The following RALYL variants were observed in gnomAD, a reference collection of about 807,000 sequenced individuals.
RALYL encodes RALY RNA binding protein like, also known as RNA-binding Raly-like protein.
Under a neutral mutation model 35.1 loss-of-function variants are expected in RALYL, and 29 were observed. That is an observed-to-expected ratio of 0.83 (90% CI 0.61 to 1.13). The LOEUF (loss-of-function observed/expected upper bound fraction) is 1.13. Ranked by LOEUF, RALYL falls within the 50% of genes most tolerant of loss-of-function variation. The pLI is 0.00. For synonymous variants in RALYL, 120 were observed against 127.6 expected (o/e 0.94, Z 0.40); for missense variants, 359 against 360.4 (o/e 1.00, Z 0.03).
chr8:84,766,892 AAAC>A (rs1814225150), intron 2 of RALYL, among the ~76,000 whole-genome samples: 2 of 152,234 alleles, frequency 1.3e-5, no homozygotes, highest in African/African-American at 4.8e-5. Flanking sequence ...TCTATTGCAT[AAAC>A]AACAGTGCGT....
chr8:84,566,456 G>A (rs2061788658), intron 2 of RALYL, among the ~76,000 whole-genome samples: 1 of 151,366 alleles, frequency 6.6e-6, no homozygotes, highest in African/African-American at 2.4e-5. Flanking sequence ...TTTCTTCTCT[G>A]TGCATACTAG....
chr8:84,332,795 C>T (rs1276406716), intron 1 of RALYL, among the ~76,000 whole-genome samples: 4 of 152,072 alleles, frequency 2.6e-5, no homozygotes, highest in Non-Finnish European at 4.4e-5. Flanking sequence ...AAAGATGAGC[C>T]TCTGGAGGCC....
In RALYL at chr8:84,748,076, G is replaced by A. The variant is rs369066547; in HGVS notation, c.257-26503G>A. ...TTTTAAACTGCTTTTAGCTGTTTGG[G>A]TAGGAAGGTAGAATTCTTAGGTTGC... On this transcript the variant is annotated intron_variant, in intron 2 of 8. Transcript: ENST00000521268. Among the ~76,000 whole-genome samples the A allele has an allele frequency of 3.9e-5, 6 of 152,038 alleles. No homozygotes were observed. In the South Asian group the frequency reaches 8.3e-4, roughly 21 times the overall value.
At chr8:84,411,735 T>G (rs1420357194) in intron 1 of RALYL, among the ~76,000 whole-genome samples, 1 of 152,042 alleles carries the variant, frequency 6.6e-6, no homozygotes, top group Non-Finnish European at 1.5e-5. Context: ...AATACTTTTA[T>G]TTCAGTAAAA....
At chr8:84,352,570 G>A (rs1851115197) in intron 1 of RALYL, among the ~76,000 whole-genome samples, 1 of 150,240 alleles carries the variant, frequency 6.7e-6, no homozygotes, top group Admixed American at 6.6e-5. Context: ...CAACTAACAG[G>A]AGGTCAAGAC....
chr8:84,258,125 G>A (rs988969147), intron 1 of RALYL, among the ~76,000 whole-genome samples: 4 of 152,080 alleles, frequency 2.6e-5, no homozygotes, highest in Non-Finnish European at 5.9e-5. Flanking sequence ...CCACATGTAC[G>A]TAGTGTTGTT....
At chr8:84,208,545 C>T (rs1472533670) in intron 1 of RALYL, among the ~76,000 whole-genome samples, 1 of 152,232 alleles carries the variant, frequency 6.6e-6, no homozygotes, top group East Asian at 1.9e-4. Context: ...TTTTAAGCTT[C>T]TCAAGAATAG....
chr8:84,245,892 G>A (rs1322881105), intron 1 of RALYL, among the ~76,000 whole-genome samples: 4 of 152,110 alleles, frequency 2.6e-5, no homozygotes, highest in African/African-American at 9.7e-5. Context: ...TTAAAGCACA[G>A]CCTGGGAGGA....
chr8:84,220,080 G>A (rs1452490262), intron 1 of RALYL, among the ~76,000 whole-genome samples: 1 of 151,994 alleles, frequency 6.6e-6, no homozygotes, highest in African/African-American at 2.4e-5. Flanking sequence ...GCCATCCTGA[G>A]TTGCGTAATT....
intron 5 of RALYL, among the ~76,000 whole-genome samples, chr8:84,852,154 G>A (rs1428917733): frequency 6.6e-6 from 1 of 152,122 alleles, no homozygotes; most frequent in Non-Finnish European, 1.5e-5. Flanking sequence ...ACAATGGGGA[G>A]GGCAATATCA....
rs929884376 is a variant in RALYL, at chr8:84,921,629, C to T, written c.*718C>T. 6.6e-6 allele frequency: 1 copy of T among 152,114 alleles called. No homozygotes were observed. The highest frequency in any genetic ancestry group is 2.4e-5 in the African/African-American group (1 of 41,444). The allele number at this position is 152,114 out of a possible 1,614,324, so 9.4% of individuals were successfully genotyped here. On this transcript the variant is annotated 3_prime_UTR_variant, in exon 9 of 9. Coordinates refer to ENST00000521268, the MANE Select transcript of RALYL (RefSeq NM_173848.7). ...AAGGACTAGATTGCCAAGGAAAAGA[C>T]TGTCTTGCCCTTGGATCCAAAAGTT...
intron 1 of RALYL, among the ~76,000 whole-genome samples, chr8:84,513,722 C>T (rs1007108516): frequency 2.0e-5 from 3 of 151,964 alleles, no homozygotes; most frequent in Non-Finnish European, 2.9e-5. Flanking sequence ...AGGTAGGTAA[C>T]ATTGACTCTT....
intron 1 of RALYL, among the ~76,000 whole-genome samples, chr8:84,390,939 G>A (rs776570829): frequency 1.3e-5 from 2 of 151,912 alleles, no homozygotes; most frequent in African/African-American, 2.4e-5. Context: ...ATGTTCACAC[G>A]TTCCTCCAAA....
chr8:84,796,923 A>G (rs1319851575), intron 3 of RALYL, among the ~76,000 whole-genome samples: 3 of 152,220 alleles, frequency 2.0e-5, no homozygotes, highest in Non-Finnish European at 1.5e-5. Context: ...TCTTTTCTTA[A>G]GAGTACAGAA....
rs558270889 is a variant in RALYL, at chr8:84,825,677, G to T, written c.365+20875G>T. Among the ~76,000 whole-genome samples, 32 of 152,210 alleles carry T rather than the reference G, an allele frequency of 2.1e-4. No individual in the cohort carries two copies. In the South Asian group the frequency reaches 5.8e-3, roughly 28 times the overall value. ...GAGGTCAGGAGTTCAAGCCCAGCCT[G>T]GCTAACATGGTGAAACCCCATCTCT... On this transcript the variant is annotated intron_variant, in intron 4 of 8. Coordinates refer to ENST00000521268, the MANE Select transcript of RALYL (RefSeq NM_173848.7).
intron 1 of RALYL, chr8:84,184,981 C>A: frequency 6.2e-7 from 1 of 1,613,904 alleles, no homozygotes; most frequent in African/African-American, 1.3e-5. Flanking sequence ...CGCTCAACTC[C>A]TGCTCCTCCT....
intron 2 of RALYL, among the ~76,000 whole-genome samples, chr8:84,654,074 A>AAC (rs201959436): frequency 1.3e-5 from 2 of 149,196 alleles, no homozygotes; most frequent in Admixed American, 6.7e-5. Flanking sequence ...TGTATATATA[A>AAC]ACACACACAC....
chr8:84,790,152 A>G (rs1158831108), intron 3 of RALYL, among the ~76,000 whole-genome samples: 1 of 152,188 alleles, frequency 6.6e-6, no homozygotes, highest in Non-Finnish European at 1.5e-5. Flanking sequence ...AAAGTCCAGA[A>G]CAAAGCTCCA....
chr8:84,224,661 C>T (rs1586326245), intron 1 of RALYL, among the ~76,000 whole-genome samples: 1 of 147,186 alleles, frequency 6.8e-6, no homozygotes, highest in East Asian at 2.0e-4. Context: ...TTCATTATTA[C>T]TTTTTTTTTT....
Sources: gnomAD v4.1 joint callset for allele counts (sites outside exome capture counted in the v4.1 genomes callset) on GRCh38, gnomAD v4.1.1 for gene constraint, MANE v1.5 for transcripts, NCBI Gene and HGNC (gene_info 2026-07-23, HGNC 2026-07-21) for gene names.